MYO1E: variants seen among roughly 807,000 people sequenced by gnomAD.
MYO1E encodes the protein unconventional myosin-Ie.
A neutral mutation model predicts 151.1 loss-of-function variants in MYO1E; 68 were observed. That is an observed-to-expected ratio of 0.45 (90% confidence interval 0.37 to 0.55). The LOEUF (loss-of-function observed/expected upper bound fraction) is 0.55, where lower values mean the gene tolerates loss of function less well. MYO1E is among the 20% of genes least tolerant of loss of function. The pLI is 0.00. For synonymous variants in MYO1E, 601 were observed against 501.7 expected (o/e 1.20, Z -2.64); for missense variants, 1,363 against 1,389.3 (o/e 0.98, Z 0.30).
intron 26 of MYO1E, among the ~76,000 whole-genome samples, chr15:59,150,049 C>T (rs2079466911): frequency 6.6e-6 from 1 of 152,230 alleles, no homozygotes; most frequent in Non-Finnish European, 1.5e-5. Context: ...TTTTAATTTT[C>T]ACCTTTACAT....
At chr15:59,304,415 T>G (rs1181720208) in intron 1 of MYO1E, among the ~76,000 whole-genome samples, 2 of 152,228 alleles carry the variant, frequency 1.3e-5, no homozygotes, top group Non-Finnish European at 2.9e-5. Flanking sequence ...AAAACTGAGA[T>G]GATGGTAACC....
intron 10 of MYO1E, among the ~76,000 whole-genome samples, chr15:59,216,643 AGTGTGT>A (rs1301548766): frequency 4.6e-5 from 2 of 43,450 alleles, no homozygotes; most frequent in African/African-American, 1.8e-4. Flanking sequence ...AAGGGCCCCC[AGTGTGT>A]GTGTGTGTGT....
intron 1 of MYO1E, among the ~76,000 whole-genome samples, chr15:59,357,636 G>C (rs1454612629): frequency 6.6e-6 from 1 of 151,786 alleles, no homozygotes; most frequent in Non-Finnish European, 1.5e-5. Context: ...TTTTAGTAGA[G>C]ACAGGGTTTC....
intron 17 of MYO1E, among the ~76,000 whole-genome samples, chr15:59,195,062 A>G (rs1409583631): frequency 6.6e-6 from 1 of 152,104 alleles, no homozygotes; most frequent in African/African-American, 2.4e-5. Flanking sequence ...TACGCCCTCC[A>G]CTTTCCACCC....
At chr15:59,164,933 T>C (rs1232665356) in intron 22 of MYO1E, among the ~76,000 whole-genome samples, 1 of 152,254 alleles carries the variant, frequency 6.6e-6, no homozygotes, top group East Asian at 1.9e-4. Flanking sequence ...GAGGTCCTCA[T>C]GAATTGGATT....
chr15:59,214,239 T>G lies in MYO1E; in HGVS notation c.1264A>C (p.Lys422Gln). 1 of 1,611,928 alleles carries G rather than the reference T, an allele frequency of 6.2e-7. No individual in the cohort carries two copies. The highest frequency in any genetic ancestry group is 2.2e-5 in the East Asian group (1 of 44,818). Reference protein sequence around the residue: ...LQQIFIELTLKAEQEEYVQEG... With the variant: ...LQQIFIELTLQAEQEEYVQEG... ...GAGGGACTGCTTACCTGTTCTGCCTTTAATGTCAGTTCAATAAAAATCTGC... is the reference window on the plus strand; with the variant it reads ...GAGGGACTGCTTACCTGTTCTGCCTGTAATGTCAGTTCAATAAAAATCTGC... Residue 422 changes from lysine to glutamine, a missense_variant, in exon 12 of 28, where the codon AAG becomes CAG. Coordinates refer to ENST00000288235, the MANE Select transcript of MYO1E (RefSeq NM_004998.4).
At chr15:59,268,873 T>G (rs144422900) in intron 2 of MYO1E, among the ~76,000 whole-genome samples, 4 of 151,900 alleles carry the variant, frequency 2.6e-5, no homozygotes, top group Non-Finnish European at 5.9e-5. Flanking sequence ...ACAATCGTGA[T>G]TGGGAGGAGT....
At chr15:59,361,120 C>A (rs2080882624) in intron 1 of MYO1E, among the ~76,000 whole-genome samples, 1 of 152,170 alleles carries the variant, frequency 6.6e-6, no homozygotes, top group South Asian at 2.1e-4. Context: ...CATGGCCAAG[C>A]CATCCCATGG....
intron 1 of MYO1E, among the ~76,000 whole-genome samples, chr15:59,335,544 A>C (rs2080722987): frequency 1.3e-5 from 2 of 152,026 alleles, no homozygotes; most frequent in Non-Finnish European, 2.9e-5. Context: ...GCTGCTTTTC[A>C]CCATTGTCCC....
chr15:59,289,109 ATG>A (rs2080404657), intron 1 of MYO1E, among the ~76,000 whole-genome samples: 1 of 152,154 alleles, frequency 6.6e-6, no homozygotes, highest in South Asian at 2.1e-4. Flanking sequence ...AGGTGAAAGG[ATG>A]TGTCCACGGG....
chr15:59,138,011 G>A (rs1446583210), intron 27 of MYO1E, among the ~76,000 whole-genome samples, 187 bp downstream of exon 27: 1 of 152,118 alleles, frequency 6.6e-6, no homozygotes, highest in Non-Finnish European at 1.5e-5. Flanking sequence ...TATAAATAAG[G>A]GGGCAGAGCT....
intron 5 of MYO1E, among the ~76,000 whole-genome samples, chr15:59,233,114 TC>T (rs2080038579): frequency 6.6e-6 from 1 of 150,868 alleles, no homozygotes; most frequent in Non-Finnish European, 1.5e-5. Flanking sequence ...ACTCTTTCTA[TC>T]TTTTTTTTTG....
rs575081652 is a variant in MYO1E, at chr15:59,364,125, T to C, written c.3+8373A>G. Among the ~76,000 whole-genome samples, 7 of 152,312 alleles carry C rather than the reference T, an allele frequency of 4.6e-5. No homozygotes were observed. In the South Asian group the frequency reaches 1.4e-3, roughly 32 times the overall value. On this transcript the variant is annotated intron_variant, in intron 1 of 27. Coordinates refer to ENST00000288235, the MANE Select transcript of MYO1E (RefSeq NM_004998.4). ...TAACCTCCTTTGCCATGGCAATGTC[T>C]TCTCTCCACTTTGAGGTTCAAAGCT...
rs2079574913 is a variant in MYO1E at position 59,168,611 on chromosome 15, A to G, written c.2480+3286T>C. 1.3e-5 allele frequency among the ~76,000 whole-genome samples: 2 copies of G among 152,144 alleles called. 1 individual carries two copies. Among genetic ancestry groups the G allele is most frequent in the South Asian group, 4.1e-4 (2 of 4,824 alleles). On this transcript the variant is annotated intron_variant, in intron 22 of 27. Transcript: ENST00000288235. ...GATTTCAAGCACCAATTCACGGATA[A>G]TCACAATTATCTACAACCTCACTCT...
intron 1 of MYO1E, among the ~76,000 whole-genome samples, chr15:59,362,561 A>G (rs1477861254): frequency 2.0e-5 from 3 of 152,250 alleles, no homozygotes; most frequent in Non-Finnish European, 2.9e-5. Flanking sequence ...GCATTGATGC[A>G]TATTTCTGCA....
At chr15:59,299,795 G>A (rs1415041820) in intron 1 of MYO1E, among the ~76,000 whole-genome samples, 3 of 152,146 alleles carry the variant, frequency 2.0e-5, no homozygotes, top group Non-Finnish European at 4.4e-5. Flanking sequence ...TTTCATTTTA[G>A]AAACACCAGC....
chr15:59,336,054 AT>A (rs1472851467), intron 1 of MYO1E, among the ~76,000 whole-genome samples: 2 of 151,744 alleles, frequency 1.3e-5, no homozygotes, highest in Non-Finnish European at 2.9e-5. Context: ...AAAAAAAAAA[AT>A]CTTGAAACTT....
At chr15:59,353,700 T>C (rs1462985785) in intron 1 of MYO1E, among the ~76,000 whole-genome samples, 1 of 148,410 alleles carries the variant, frequency 6.7e-6, no homozygotes. Flanking sequence ...GAGGATGCAG[T>C]GAGCTGAAAT....
rs143753451 is a variant in MYO1E, at chr15:59,210,149, C to T, written c.1362+365G>A. 4.8e-4 allele frequency among the ~76,000 whole-genome samples: 73 copies of T among 152,104 alleles called. No individual in the cohort carries two copies. The East Asian group carries it at 0.011, about 24-fold the overall frequency. ...TCCCAAAGTACTGGGATTACAGGCACGAGCCACCATGACCAGCCTGAATCA... is the reference window on the plus strand; with the variant it reads ...TCCCAAAGTACTGGGATTACAGGCATGAGCCACCATGACCAGCCTGAATCA... On this transcript the variant is annotated intron_variant, in intron 13 of 27. Transcript: ENST00000288235.
Sources: gnomAD v4.1 joint callset for allele counts (sites outside exome capture counted in the v4.1 genomes callset) on GRCh38, gnomAD v4.1.1 for gene constraint, MANE v1.5 for transcripts, NCBI Gene and HGNC (gene_info 2026-07-23, HGNC 2026-07-21) for gene names.